Variants in VDAC1 observed in about 807,000 individuals in gnomAD.
VDAC1 encodes voltage dependent anion channel 1, also known as non-selective voltage-gated ion channel VDAC1.
A neutral mutation model predicts 34.7 loss-of-function variants in VDAC1; 10 were observed. That is an observed-to-expected ratio of 0.29 (90% CI 0.18 to 0.49). The LOEUF is 0.49. Ranked by LOEUF, VDAC1 falls within the 20% of genes least tolerant of loss-of-function variation. The probability of loss-of-function intolerance (pLI) is 0.99; values close to 1 mark genes in which losing one functional copy is unlikely to be tolerated. For synonymous variants in VDAC1, 130 were observed against 136.0 expected (o/e 0.96, Z 0.30); for missense variants, 230 against 347.9 (o/e 0.66, Z 2.69).
At chr5:134,003,184 C>G (rs1753627271) in intron 1 of VDAC1, among the ~76,000 whole-genome samples, 1 of 152,188 alleles carries the variant, frequency 6.6e-6, no homozygotes, top group Non-Finnish European at 1.5e-5. Context: ...GCAGCACCAC[C>G]CCAGGCACTG....
the VDAC1 span, among the ~76,000 whole-genome samples, chr5:134,083,565 A>G: frequency 6.6e-6 from 1 of 152,182 alleles, no homozygotes; most frequent in African/African-American, 2.4e-5. Context: ...CAGTGGGGAA[A>G]ACTGTACTTC....
the VDAC1 span, among the ~76,000 whole-genome samples, chr5:134,092,056 TG>T: frequency 6.6e-6 from 1 of 152,192 alleles, no homozygotes; most frequent in Admixed American, 6.5e-5. Context: ...CAGCAACCCT[TG>T]AACTAAGTCC....
At chr5:134,035,173 C>T in the VDAC1 span, among the ~76,000 whole-genome samples, 1 of 152,122 alleles carries the variant, frequency 6.6e-6, no homozygotes, top group South Asian at 2.1e-4. Context: ...CAAGATGAAC[C>T]TGGCACATCT....
Position 133,990,989 on chromosome 5 carries a change from C to T in VDAC1, c.270+13G>A. The T allele has an allele frequency of 6.2e-7, 1 of 1,613,448 alleles. No homozygotes were observed. Reference sequence around the variant, plus strand: ...GAATTAATAAATCCACATCTTTTCACAGCAGCCATTACCTGATCTTCCACA... The same window carrying T: ...GAATTAATAAATCCACATCTTTTCATAGCAGCCATTACCTGATCTTCCACA... On this transcript the variant is annotated intron_variant, in intron 4 of 8. Coordinates refer to ENST00000265333, the MANE Select transcript of VDAC1 (RefSeq NM_003374.3).
At chr5:134,080,938 G>A in the VDAC1 span, among the ~76,000 whole-genome samples, 3 of 151,704 alleles carry the variant, frequency 2.0e-5, no homozygotes, top group Non-Finnish European at 4.4e-5. Flanking sequence ...GGGCAATGGC[G>A]CAATCTCGGT....
At chr5:134,011,424 G>A in the VDAC1 span, among the ~76,000 whole-genome samples, 3 of 151,990 alleles carry the variant, frequency 2.0e-5, no homozygotes, top group Admixed American at 6.6e-5. Context: ...TTTATCTGGC[G>A]TAACTAAACC....
chr5:134,089,572 G>T, the VDAC1 span, among the ~76,000 whole-genome samples: 1 of 152,188 alleles, frequency 6.6e-6, no homozygotes, highest in African/African-American at 2.4e-5. Context: ...GAGGTGGGGG[G>T]AGCCAGGCAA....
the VDAC1 span, among the ~76,000 whole-genome samples, chr5:134,051,210 G>C: frequency 1.3e-5 from 2 of 152,196 alleles, no homozygotes; most frequent in African/African-American, 2.4e-5. Flanking sequence ...AGCCAGGGGG[G>C]CCAGGCCCTA....
chr5:134,087,371 G>C, the VDAC1 span, among the ~76,000 whole-genome samples: 1 of 152,082 alleles, frequency 6.6e-6, no homozygotes, highest in Non-Finnish European at 1.5e-5. Flanking sequence ...GGGTGCTGGG[G>C]AGACTCATCT....
At chr5:133,997,695 G>A (rs531579405) in intron 1 of VDAC1, among the ~76,000 whole-genome samples, 8 of 125,472 alleles carry the variant, frequency 6.4e-5, no homozygotes, top group African/African-American at 2.4e-4. Context: ...ATGACAGAGC[G>A]AGACTGTCTC....
the VDAC1 span, among the ~76,000 whole-genome samples, chr5:134,055,681 G>A: frequency 7.0e-6 from 1 of 142,728 alleles, no homozygotes; most frequent in African/African-American, 2.7e-5. Context: ...GCCCGCCATG[G>A]CTTCCCAAAG....
the VDAC1 span, among the ~76,000 whole-genome samples, chr5:134,015,788 G>A: frequency 6.6e-6 from 1 of 152,092 alleles, no homozygotes; most frequent in Non-Finnish European, 1.5e-5. Context: ...GGGACTACAG[G>A]CACACGCCAC....
chr5:134,025,204 C>T, the VDAC1 span, among the ~76,000 whole-genome samples: 1 of 152,210 alleles, frequency 6.6e-6, no homozygotes, highest in East Asian at 1.9e-4. Context: ...CCTCAGGAAG[C>T]TTCCACTCAT....
the VDAC1 span, among the ~76,000 whole-genome samples, chr5:134,039,567 G>A: frequency 1.3e-5 from 2 of 152,098 alleles, no homozygotes; most frequent in South Asian, 2.1e-4. Context: ...CTGACCTCGT[G>A]ATCCGCCCGC....
the VDAC1 span, among the ~76,000 whole-genome samples, chr5:134,045,821 A>G: frequency 6.6e-3 from 993 of 151,426 alleles, 8 homozygotes; most frequent in Non-Finnish European, 0.011. Context: ...AGTAGCTGGG[A>G]TTACAGAGGC....
the VDAC1 span, among the ~76,000 whole-genome samples, chr5:134,043,995 C>T: frequency 5.9e-5 from 9 of 152,126 alleles, no homozygotes; most frequent in African/African-American, 9.7e-5. Context: ...CTGAAGCTGA[C>T]GCAAAGAGAC....
the VDAC1 span, among the ~76,000 whole-genome samples, chr5:134,069,665 T>C: frequency 1.3e-5 from 2 of 152,192 alleles, no homozygotes; most frequent in South Asian, 2.1e-4. Context: ...TTTATTTCTC[T>C]ACCTTTGAGG....
the VDAC1 span, among the ~76,000 whole-genome samples, chr5:134,068,050 G>A: frequency 3.2e-4 from 49 of 152,206 alleles, no homozygotes; most frequent in Non-Finnish European, 6.2e-4. Context: ...CCTGGGAGGT[G>A]GAGGTTGCAG....
chr5:134,031,034 T>C, the VDAC1 span, among the ~76,000 whole-genome samples: 1 of 152,102 alleles, frequency 6.6e-6, no homozygotes, highest in Admixed American at 6.5e-5. Flanking sequence ...CCACTTCCAT[T>C]ACCATCACTT....
Sources: gnomAD v4.1 joint callset for allele counts (sites outside exome capture counted in the v4.1 genomes callset) on GRCh38, gnomAD v4.1.1 for gene constraint, MANE v1.5 for transcripts, NCBI Gene and HGNC (gene_info 2026-07-23, HGNC 2026-07-21) for gene names.